COLQ: variants seen among roughly 807,000 people sequenced by gnomAD.
COLQ encodes acetylcholinesterase collagenic tail peptide.
COLQ carries 48 observed loss-of-function variants against 69.0 expected under a neutral mutation model. The observed-to-expected ratio is 0.70, with a 90% CI of 0.55 to 0.88. The LOEUF is 0.88. COLQ is among the 40% of genes least tolerant of loss of function. The pLI is 0.00. For missense variants in COLQ, 618 were observed against 594.6 expected (o/e 1.04, Z -0.41); for synonymous variants, 217 against 211.2 (o/e 1.03, Z -0.24).
Position 15,489,564 on chromosome 3 carries a change from T to C in COLQ, c.180A>G (p.Pro60=), listed in dbSNP as rs750564606. 2.8e-5 allele frequency: 45 copies of C among 1,614,014 alleles called. No homozygotes were observed. The East Asian group carries it at 5.1e-4, about 18-fold the overall frequency. ...ACCLLTPPPP[P]LFPPPFFRGG... ...CTCTGAAGAATGGTGGTGGGAACAG[T>C]GGTGGTGGAGGAGGCGTCAGCAGGC... The change falls in exon 2 of 17, where the codon CCA becomes CCG. Residue 60 remains proline (P), a synonymous_variant. Coordinates refer to ENST00000383788, the MANE Select transcript of COLQ (RefSeq NM_005677.4).
At chr3:15,502,190 A>C (rs535075041) in intron 1 of COLQ, among the ~76,000 whole-genome samples, 2 of 144,570 alleles carry the variant, frequency 1.4e-5, no homozygotes, top group South Asian at 4.3e-4. Flanking sequence ...ATCTCGGTTC[A>C]CTGCAACCTC....
intron 12 of COLQ, among the ~76,000 whole-genome samples, chr3:15,461,925 G>C (rs1021223971): frequency 6.6e-6 from 1 of 151,916 alleles, no homozygotes; most frequent in Non-Finnish European, 1.5e-5. Flanking sequence ...GTCAAAGGTA[G>C]TGTCAGGAAC....
At chr3:15,454,285 C>T (rs183301989) in intron 15 of COLQ, among the ~76,000 whole-genome samples, 1 of 152,128 alleles carries the variant, frequency 6.6e-6, no homozygotes, top group Non-Finnish European at 1.5e-5. Flanking sequence ...ACTGCTGAGC[C>T]CCAGTGAGGG....
chr3:15,454,823 T>C (rs1473917486), intron 15 of COLQ, among the ~76,000 whole-genome samples: 3 of 151,944 alleles, frequency 2.0e-5, no homozygotes, highest in African/African-American at 7.3e-5. Context: ...GCCTGGCTAA[T>C]TTTTTTAATT....
chr3:15,452,136 G>A (rs920508010), intron 16 of COLQ, among the ~76,000 whole-genome samples: 8 of 149,484 alleles, frequency 5.4e-5, no homozygotes, highest in Admixed American at 4.0e-4. Flanking sequence ...GTGTGATCTC[G>A]GCTCACTGCA....
chr3:15,461,588 G>C (rs1021211058), intron 12 of COLQ, among the ~76,000 whole-genome samples: 5 of 152,154 alleles, frequency 3.3e-5, no homozygotes, highest in African/African-American at 1.2e-4. Context: ...TCAGGAAAGG[G>C]GAATCTAGGA....
chr3:15,491,550 C>A (rs1219137158), intron 1 of COLQ, among the ~76,000 whole-genome samples: 1 of 152,252 alleles, frequency 6.6e-6, no homozygotes, highest in Non-Finnish European at 1.5e-5. Flanking sequence ...GCTCCGTGCA[C>A]ACACACTCGC....
chr3:15,457,500 G>T (rs1009132015), intron 13 of COLQ, among the ~76,000 whole-genome samples: 1 of 152,058 alleles, frequency 6.6e-6, no homozygotes, highest in African/African-American at 2.4e-5. Flanking sequence ...GGTACACAGG[G>T]GTTCATTACA....
chr3:15,481,131 A>C (rs1266700978), intron 3 of COLQ, among the ~76,000 whole-genome samples: 4 of 152,148 alleles, frequency 2.6e-5, no homozygotes, highest in East Asian at 1.9e-4. Context: ...AGATTGTAAA[A>C]ATTTTCTCCC....
intron 1 of COLQ, among the ~76,000 whole-genome samples, chr3:15,507,997 G>A (rs2062934439): frequency 6.6e-6 from 1 of 151,850 alleles, no homozygotes; most frequent in Non-Finnish European, 1.5e-5. Flanking sequence ...GAGAGGCATT[G>A]GTGGTTCAGT....
intron 12 of COLQ, among the ~76,000 whole-genome samples, chr3:15,459,086 C>T (rs1216487352): frequency 2.6e-5 from 4 of 152,112 alleles, no homozygotes; most frequent in Non-Finnish European, 2.9e-5. Context: ...TCAAGTAATC[C>T]GCCCACCTCA....
intron 1 of COLQ, among the ~76,000 whole-genome samples, chr3:15,502,705 C>T (rs1247305071): frequency 3.9e-5 from 6 of 152,130 alleles, no homozygotes; most frequent in Admixed American, 2.0e-4. Context: ...TGAGCCACCA[C>T]GCCCGGCCTA....
intron 12 of COLQ, among the ~76,000 whole-genome samples, chr3:15,461,181 GC>G (rs1481011323): frequency 6.8e-6 from 1 of 146,530 alleles, no homozygotes. Flanking sequence ...AAGGCATTTT[GC>G]CTTTATTCCC....
chr3:15,507,524 A>C (rs918080725), intron 1 of COLQ, among the ~76,000 whole-genome samples: 3 of 152,206 alleles, frequency 2.0e-5, no homozygotes, highest in Admixed American at 6.5e-5. Context: ...GTGCAATCAC[A>C]GTTCACTGCA....
chr3:15,500,136 C>T (rs2062811747), intron 1 of COLQ, among the ~76,000 whole-genome samples: 1 of 152,154 alleles, frequency 6.6e-6, no homozygotes, highest in South Asian at 2.1e-4. Context: ...GGGATTTGAG[C>T]TGATACTTGA....
At chr3:15,493,342 A>G (rs968743116) in intron 1 of COLQ, among the ~76,000 whole-genome samples, 9 of 152,168 alleles carry the variant, frequency 5.9e-5, no homozygotes, top group Non-Finnish European at 7.4e-5. Flanking sequence ...GAAAAAGGAG[A>G]TTTATTGTAA....
chr3:15,466,770 C>T (rs998514183), intron 11 of COLQ, among the ~76,000 whole-genome samples: 2 of 152,320 alleles, frequency 1.3e-5, no homozygotes, highest in Admixed American at 6.5e-5. Flanking sequence ...CTTCCCGTTG[C>T]ACTCAGGATA....
rs2305615 is a variant in COLQ, at chr3:15,475,518, G to A, written c.466-31C>T. The A allele has an allele frequency of 0.44, 685,222 of 1,557,762 alleles. 152,912 individuals carry two copies. Among genetic ancestry groups the A allele is most frequent in the African/African-American group, 0.58 (42,535 of 73,770 alleles). ...GGAATTAGAAGAAGAAAAGACCCAC[G>A]GTGATATTTTTTAGAGAAACTGAAC... On this transcript the variant is annotated intron_variant, in intron 6 of 16. Coordinates refer to ENST00000383788, the MANE Select transcript of COLQ (RefSeq NM_005677.4).
intron 15 of COLQ, 74 bp from the exon 16 acceptor site, chr3:15,454,005 T>C (rs2061989531): frequency 3.7e-6 from 4 of 1,086,564 alleles, no homozygotes; most frequent in Non-Finnish European, 2.8e-6. Context: ...GTAAGGACCA[T>C]GCGGCCCAAG....
Sources: allele counts gnomAD v4.1 joint callset (sites outside exome capture counted in the v4.1 genomes callset), GRCh38; gene constraint gnomAD v4.1.1; transcripts MANE v1.5; gene names NCBI Gene and HGNC (gene_info 2026-07-23, HGNC 2026-07-21).